Variants in KCNQ3 observed in about 807,000 individuals in gnomAD.
KCNQ3 encodes potassium voltage-gated channel subfamily Q member 3, also known as potassium voltage-gated channel subfamily KQT member 3.
In KCNQ3, 30 loss-of-function variants were observed where a neutral mutation model predicts 92.5. That is an observed-to-expected ratio of 0.32 (90% CI 0.24 to 0.44). The LOEUF is 0.44. Ranked by LOEUF, KCNQ3 falls within the 20% of genes least tolerant of loss-of-function variation. The probability of loss-of-function intolerance (pLI) is 1.00; values close to 1 mark genes in which losing one functional copy is unlikely to be tolerated. For synonymous variants in KCNQ3, 450 were observed against 468.8 expected (o/e 0.96, Z 0.52); for missense variants, 913 against 1,140.3 (o/e 0.80, Z 2.87).
chr8:132,350,415 G>A (rs1818826234), intron 1 of KCNQ3, among the ~76,000 whole-genome samples: 1 of 152,056 alleles, frequency 6.6e-6, no homozygotes, highest in African/African-American at 2.4e-5. Flanking sequence ...GGGACAGAAG[G>A]GTTTACAGGT....
At chr8:132,357,136 A>G (rs538509135) in intron 1 of KCNQ3, among the ~76,000 whole-genome samples, 33 of 152,332 alleles carry the variant, frequency 2.2e-4, no homozygotes, top group African/African-American at 7.5e-4. Context: ...GCCAGAGAAT[A>G]CCATGCTACT....
chr8:132,223,443 T>C (rs373634577), intron 1 of KCNQ3, among the ~76,000 whole-genome samples: 118 of 152,236 alleles, frequency 7.8e-4, no homozygotes, highest in African/African-American at 2.7e-3. Context: ...CAGGGGTAGC[T>C]TGGGAGAGGT....
chr8:132,172,813 A>G, intron 6 of KCNQ3, 120 bp from the exon 7 acceptor site: 2 of 745,778 alleles, frequency 2.7e-6, no homozygotes, highest in Non-Finnish European at 4.8e-6. Flanking sequence ...TGCAGTGACA[A>G]CACTGTACAA....
chr8:132,283,025 A>G (rs973187312), intron 1 of KCNQ3, among the ~76,000 whole-genome samples: 1 of 152,132 alleles, frequency 6.6e-6, no homozygotes, highest in Admixed American at 6.6e-5. Flanking sequence ...AGGGAATCAC[A>G]GATGGGAAAC....
chr8:132,451,550 C>CTAAA (rs1223503807), intron 1 of KCNQ3, among the ~76,000 whole-genome samples: 1 of 152,146 alleles, frequency 6.6e-6, no homozygotes. Context: ...TAGGTGCTCA[C>CTAAA]TAAATATTCA....
intron 1 of KCNQ3, among the ~76,000 whole-genome samples, chr8:132,193,414 A>T (rs754341166): frequency 5.3e-5 from 8 of 152,204 alleles, no homozygotes; most frequent in Admixed American, 3.3e-4. Flanking sequence ...TCAGGACAGG[A>T]ACCAGTGCGA....
At chr8:132,248,665 G>A (rs1815274472) in intron 1 of KCNQ3, among the ~76,000 whole-genome samples, 1 of 152,126 alleles carries the variant, frequency 6.6e-6, no homozygotes, top group East Asian at 1.9e-4. Context: ...AGTCCCTGTG[G>A]TTCACCTGGG....
chr8:132,152,823 C>T (rs1825681677), intron 9 of KCNQ3, among the ~76,000 whole-genome samples: 1 of 151,776 alleles, frequency 6.6e-6, no homozygotes, highest in Admixed American at 6.6e-5. Context: ...TTTAAAAGGT[C>T]TTATCTGAGA....
chr8:132,427,808 C>T (rs1474924338), intron 1 of KCNQ3, among the ~76,000 whole-genome samples: 2 of 152,304 alleles, frequency 1.3e-5, no homozygotes, highest in Non-Finnish European at 2.9e-5. Flanking sequence ...CAGCTGAGCA[C>T]AGGAAGAGAA....
In KCNQ3 at chr8:132,126,045, G is replaced by A. The variant is rs886062674; in HGVS notation, c.*3217C>T. ...GATTTATCTAATTCATTTTGATCTT[G>A]CTAAAATATGACCTTTAAAATTTTT... On this transcript the variant is annotated 3_prime_UTR_variant, in exon 15 of 15. Coordinates refer to ENST00000388996, the MANE Select transcript of KCNQ3 (RefSeq NM_004519.4). 6.6e-6 allele frequency: 1 copy of A among 152,026 alleles called. No individual in the cohort carries two copies. Among genetic ancestry groups the A allele is most frequent in the Non-Finnish European group, 1.5e-5 (1 of 68,006 alleles). 9.4% of individuals were successfully genotyped at this position (152,026 alleles called of 1,614,324 possible). A position where few individuals can be genotyped will look rare whatever the true frequency, so the allele number is the denominator to read the frequency against.
chr8:132,387,885 A>G (rs1819929621), intron 1 of KCNQ3, among the ~76,000 whole-genome samples: 1 of 151,912 alleles, frequency 6.6e-6, no homozygotes, highest in South Asian at 2.1e-4. Context: ...GGTTGACTCT[A>G]CAGTGAGCCA....
At chr8:132,249,156 C>G (rs899337346) in intron 1 of KCNQ3, among the ~76,000 whole-genome samples, 24 of 152,266 alleles carry the variant, frequency 1.6e-4, no homozygotes, top group African/African-American at 5.3e-4. Flanking sequence ...TGAGCAGCAA[C>G]AAGATTTATT....
chr8:132,321,929 C>T (rs146422025), intron 1 of KCNQ3, among the ~76,000 whole-genome samples: 4 of 152,322 alleles, frequency 2.6e-5, no homozygotes, highest in East Asian at 1.9e-4. Context: ...CACAGTCCCC[C>T]CTACTGCCCA....
At chr8:132,248,334 G>GTATATATATATATA (rs5895135) in intron 1 of KCNQ3, among the ~76,000 whole-genome samples, 30 of 144,178 alleles carry the variant, frequency 2.1e-4, no homozygotes, top group African/African-American at 7.4e-4. Flanking sequence ...TAGTCTATAA[G>GTATATATATATATA]TATATATATA....
intron 1 of KCNQ3, among the ~76,000 whole-genome samples, chr8:132,389,493 A>G (rs1380196951): frequency 2.6e-5 from 4 of 152,200 alleles, no homozygotes; most frequent in Non-Finnish European, 5.9e-5. Flanking sequence ...CAACAAAAAC[A>G]TCAATAGAGA....
At chr8:132,201,344 A>C (rs370936443) in intron 1 of KCNQ3, among the ~76,000 whole-genome samples, 192 of 152,268 alleles carry the variant, frequency 1.3e-3, no homozygotes, top group Non-Finnish European at 2.1e-3. Context: ...CAAAGTCTTT[A>C]ACTCTTTCCA....
At chr8:132,363,142 T>C (rs576220328) in intron 1 of KCNQ3, among the ~76,000 whole-genome samples, 1 of 152,300 alleles carries the variant, frequency 6.6e-6, no homozygotes, top group East Asian at 1.9e-4. Context: ...CAGCCACTTG[T>C]AGGAGAGCTA....
intron 1 of KCNQ3, among the ~76,000 whole-genome samples, chr8:132,368,898 A>G (rs546101849): frequency 7.2e-6 from 1 of 138,212 alleles, no homozygotes; most frequent in Non-Finnish European, 1.5e-5. Flanking sequence ...AGATTTCACC[A>G]GTTTTTCCTT....
intron 1 of KCNQ3, among the ~76,000 whole-genome samples, chr8:132,437,157 T>C (rs1364409452): frequency 6.6e-6 from 1 of 151,606 alleles, no homozygotes; most frequent in Non-Finnish European, 1.5e-5. Flanking sequence ...CGGGCACCTG[T>C]AGTCCCAGCT....
Sources: allele counts gnomAD v4.1 joint callset (sites outside exome capture counted in the v4.1 genomes callset), GRCh38; gene constraint gnomAD v4.1.1; transcripts MANE v1.5; gene names NCBI Gene and HGNC (gene_info 2026-07-23, HGNC 2026-07-21).